Variants in NRXN3 observed in about 807,000 individuals in gnomAD.
NRXN3 encodes the protein neurexin III.
Under a neutral mutation model 137.6 loss-of-function variants are expected in NRXN3, and 32 were observed. That is an observed-to-expected ratio of 0.23 (90% CI 0.18 to 0.31). NRXN3 has a LOEUF of 0.31. Among genes scored for constraint, NRXN3 ranks in the 10% least tolerant of loss-of-function variants. The pLI, the probability that NRXN3 is intolerant of heterozygous loss-of-function variation, is 1.00. For missense variants in NRXN3, 1,574 were observed against 2,062.5 expected (o/e 0.76, Z 4.59); for synonymous variants, 798 against 784.5 (o/e 1.02, Z -0.29).
At chr14:79,749,038 T>A (rs928857230) in intron 19 of NRXN3, among the ~76,000 whole-genome samples, 9 of 152,046 alleles carry the variant, frequency 5.9e-5, no homozygotes, top group African/African-American at 2.2e-4. Flanking sequence ...AAATTTTTTA[T>A]AGTAAGTCTA....
chr14:78,432,305 T>A (rs1440149025), intron 4 of NRXN3, among the ~76,000 whole-genome samples: 2 of 151,854 alleles, frequency 1.3e-5, no homozygotes, highest in African/African-American at 4.8e-5. Context: ...CTCAGGTTTT[T>A]TTTTTTTTTG....
At chr14:78,929,475 G>A (rs932757382) in intron 10 of NRXN3, among the ~76,000 whole-genome samples, 1 of 152,088 alleles carries the variant, frequency 6.6e-6, no homozygotes, top group Non-Finnish European at 1.5e-5. Flanking sequence ...TTCTGTTCCT[G>A]CATTAGTTTG....
chr14:79,472,980 T>G (rs2096528007), intron 16 of NRXN3, among the ~76,000 whole-genome samples: 1 of 152,214 alleles, frequency 6.6e-6, no homozygotes, highest in Non-Finnish European at 1.5e-5. Flanking sequence ...TCTTTCTCTC[T>G]GTATGTAATT....
chr14:78,569,502 T>C (rs2096869444), intron 4 of NRXN3, among the ~76,000 whole-genome samples: 1 of 151,890 alleles, frequency 6.6e-6, no homozygotes, highest in African/African-American at 2.4e-5. Flanking sequence ...CCTGACCTCG[T>C]GATCCACCCA....
intron 2 of NRXN3, among the ~76,000 whole-genome samples, chr14:78,277,067 C>T (rs1377586602): frequency 2.6e-5 from 4 of 152,156 alleles, no homozygotes; most frequent in African/African-American, 7.2e-5. Context: ...TTTCTTTGGG[C>T]AGATACAGCT....
intron 4 of NRXN3, among the ~76,000 whole-genome samples, chr14:78,366,697 C>A (rs1196033429): frequency 1.3e-5 from 2 of 152,156 alleles, no homozygotes; most frequent in Non-Finnish European, 2.9e-5. Context: ...GGGAAACTCC[C>A]ATTCTTAAAA....
At chr14:79,409,066 C>A (rs1437486743) in intron 15 of NRXN3, among the ~76,000 whole-genome samples, 1 of 152,028 alleles carries the variant, frequency 6.6e-6, no homozygotes, top group Non-Finnish European at 1.5e-5. Flanking sequence ...TAAACTGGTG[C>A]CTTTTTCTCA....
intron 19 of NRXN3, among the ~76,000 whole-genome samples, chr14:79,793,860 TA>T (rs1179467034): frequency 1.3e-4 from 20 of 152,232 alleles, no homozygotes; most frequent in African/African-American, 4.8e-4. Flanking sequence ...ATCATTGAAA[TA>T]ACACAATTTG....
intron 4 of NRXN3, among the ~76,000 whole-genome samples, chr14:78,383,672 C>A (rs2089506159): frequency 6.6e-6 from 1 of 152,082 alleles, no homozygotes; most frequent in Admixed American, 6.5e-5. Flanking sequence ...TTTTTGAGTT[C>A]TATTCCTGAC....
At chr14:78,400,776 C>T (rs1391380403) in intron 4 of NRXN3, among the ~76,000 whole-genome samples, 1 of 152,156 alleles carries the variant, frequency 6.6e-6, no homozygotes, top group South Asian at 2.1e-4. Flanking sequence ...TGGGTGTATG[C>T]AGTCGGTTTC....
chr14:78,298,545 T>A (rs1346752121), intron 4 of NRXN3, among the ~76,000 whole-genome samples: 1 of 152,228 alleles, frequency 6.6e-6, no homozygotes, highest in Non-Finnish European at 1.5e-5. Context: ...GAAATTCAGC[T>A]CAGCTAAGCA....
At chr14:79,358,619 AAG>A (rs1399971865) in intron 15 of NRXN3, among the ~76,000 whole-genome samples, 2 of 136,614 alleles carry the variant, frequency 1.5e-5, no homozygotes, top group African/African-American at 5.5e-5. Context: ...GAAAGAAAGA[AAG>A]AAAGAAAGAA....
intron 1 of NRXN3, among the ~76,000 whole-genome samples, chr14:78,238,453 G>A (rs952483978): frequency 1.1e-4 from 16 of 152,126 alleles, no homozygotes; most frequent in African/African-American, 2.4e-4. Flanking sequence ...CCTGGCTCCC[G>A]TTTTGCCATT....
intron 16 of NRXN3, among the ~76,000 whole-genome samples, chr14:79,502,835 T>C (rs985150236): frequency 6.6e-6 from 1 of 152,002 alleles, no homozygotes; most frequent in African/African-American, 2.4e-5. Flanking sequence ...TTTTTTTCAC[T>C]GCAAGCTCTC....
intron 4 of NRXN3, among the ~76,000 whole-genome samples, chr14:78,540,119 AGTTCTGCTT>A (rs1243379875): frequency 5.9e-5 from 9 of 152,206 alleles, no homozygotes; most frequent in Non-Finnish European, 1.3e-4. Flanking sequence ...GATGTCTATT[AGTTCTGCTT>A]GTTGCAGAGC....
At chr14:78,374,697 G>A (rs1254548773) in intron 4 of NRXN3, among the ~76,000 whole-genome samples, 3 of 150,230 alleles carry the variant, frequency 2.0e-5, no homozygotes, top group Non-Finnish European at 4.4e-5. Flanking sequence ...TTGTACCTGG[G>A]AGCCGGAGGT....
At chr14:79,023,906 C>A (rs1186861176) in intron 15 of NRXN3, among the ~76,000 whole-genome samples, 1 of 152,008 alleles carries the variant, frequency 6.6e-6, no homozygotes, top group African/African-American at 2.4e-5. Flanking sequence ...GGGTGCCCAG[C>A]ATTGTAAGAA....
intron 15 of NRXN3, among the ~76,000 whole-genome samples, chr14:79,413,073 T>C (rs951669933): frequency 6.6e-6 from 1 of 152,124 alleles, no homozygotes; most frequent in Non-Finnish European, 1.5e-5. Context: ...CTGACTCTAC[T>C]TCCTTGAATT....
At chr14:78,854,441 G>C (rs1457215941) in intron 10 of NRXN3, among the ~76,000 whole-genome samples, 2 of 151,970 alleles carry the variant, frequency 1.3e-5, no homozygotes, top group African/African-American at 4.8e-5. Context: ...AAAAAGATCT[G>C]TTAGCCTCCA....
Sources: gnomAD v4.1 joint callset for allele counts (sites outside exome capture counted in the v4.1 genomes callset) on GRCh38, gnomAD v4.1.1 for gene constraint, MANE v1.5 for transcripts, NCBI Gene and HGNC (gene_info 2026-07-23, HGNC 2026-07-21) for gene names.